Variants in MAP4K3 observed in about 807,000 individuals in gnomAD.
MAP4K3 encodes MAPK/ERK kinase kinase kinase 3.
In MAP4K3, 94 loss-of-function variants were observed where a neutral mutation model predicts 143.5. The ratio of observed to expected loss-of-function variants is 0.65; its 90% CI spans 0.55 to 0.78. MAP4K3 has a LOEUF of 0.78. Ranked by LOEUF, MAP4K3 falls within the 30% of genes least tolerant of loss-of-function variation. The pLI is 0.00. For synonymous variants in MAP4K3, 416 were observed against 347.2 expected (o/e 1.20, Z -2.20); for missense variants, 1,077 against 1,068.1 (o/e 1.01, Z -0.12).
intron 2 of MAP4K3, among the ~76,000 whole-genome samples, chr2:39,373,632 GCAA>G (rs1461861042): frequency 6.6e-6 from 1 of 152,196 alleles, no homozygotes; most frequent in Middle Eastern, 3.2e-3. Context: ...CCTGCCATTT[GCAA>G]CAACATGGGT....
intron 3 of MAP4K3, among the ~76,000 whole-genome samples, chr2:39,347,899 T>A (rs1452182436): frequency 1.3e-5 from 2 of 151,994 alleles, no homozygotes; most frequent in East Asian, 1.9e-4. Flanking sequence ...GATATCAACT[T>A]TAATAGTCTG....
chr2:39,321,988 T>C (rs1378652483), intron 12 of MAP4K3, among the ~76,000 whole-genome samples: 4 of 152,216 alleles, frequency 2.6e-5, no homozygotes, highest in Non-Finnish European at 5.9e-5. Context: ...GCTGGCGGGA[T>C]CCTCCATATG....
At chr2:39,288,058 G>GA in intron 20 of MAP4K3, 63 bp downstream of exon 20, 1 of 1,570,218 alleles carries the variant, frequency 6.4e-7, no homozygotes. Flanking sequence ...TTAAAAGAAA[G>GA]TTTTTTTTCT....
chr2:39,263,465 G>C (rs1271290186), intron 28 of MAP4K3, among the ~76,000 whole-genome samples: 1 of 142,902 alleles, frequency 7.0e-6, no homozygotes, highest in African/African-American at 2.6e-5. Flanking sequence ...ATTTTTAGTA[G>C]AGACGGGGTT....
intron 1 of MAP4K3, among the ~76,000 whole-genome samples, chr2:39,428,936 C>T (rs1665190150): frequency 6.6e-6 from 1 of 151,616 alleles, no homozygotes; most frequent in Non-Finnish European, 1.5e-5. Context: ...AGCATGGTGG[C>T]ACATGCCTAT....
chr2:39,436,645 CAAG>C (rs1325828294), intron 1 of MAP4K3: 2 of 534,878 alleles, frequency 3.7e-6, no homozygotes, highest in Admixed American at 3.3e-5. Context: ...GAAATGCGCG[CAAG>C]AAGGGAGGTG....
At chr2:39,346,044 ATT>A (rs1221349136) in intron 3 of MAP4K3, among the ~76,000 whole-genome samples, 1 of 152,090 alleles carries the variant, frequency 6.6e-6, no homozygotes, top group Non-Finnish European at 1.5e-5. Context: ...TGATATAAAA[ATT>A]TGTTTTAATT....
intron 1 of MAP4K3, among the ~76,000 whole-genome samples, chr2:39,405,900 C>T (rs1225659665): frequency 6.6e-6 from 1 of 151,614 alleles, no homozygotes; most frequent in Non-Finnish European, 1.5e-5. Context: ...AAAAAGACAC[C>T]AGGGGCCAAT....
intron 14 of MAP4K3, among the ~76,000 whole-genome samples, chr2:39,308,223 G>A (rs972652480): frequency 6.6e-6 from 1 of 152,096 alleles, no homozygotes; most frequent in Non-Finnish European, 1.5e-5. Flanking sequence ...TTTAAATACA[G>A]GCAATGCCAA....
chr2:39,349,199 GT>G (rs1333965598), intron 3 of MAP4K3, among the ~76,000 whole-genome samples: 4 of 152,112 alleles, frequency 2.6e-5, no homozygotes, highest in African/African-American at 9.7e-5. Flanking sequence ...GAAAAACAAA[GT>G]TTAGTAACTG....
At position 39,299,755 on chromosome 2, in the gene MAP4K3, A is replaced by G. The variant is rs770599264; in HGVS notation, c.1166T>C (p.Leu389Ser). The part of the protein sequence containing the change: ...YGQGHQGGYF[L>S]GANKSLLKSV... The stretch of plus-strand genomic sequence containing the variant: ...GAACTTTACTTACTTGTTTGCACCT[A>G]AAAAGTAACCACCTTGGTGTCCTTG... The change falls in exon 16 of 34, where the codon TTA becomes TCA. Residue 389 changes from leucine (L) to serine (S), a missense_variant. Physicochemically the swap from Leu to Ser is moderately radical, Grantham distance 145. Around this residue, in one of 2 missense-constraint regions of MAP4K3, gnomAD observed 864 missense variants for 801.2 expected, o/e 1.08. Transcript: ENST00000263881. 6.4e-7 allele frequency: 1 copy of G among 1,571,484 alleles called. No individual in the cohort carries two copies. The highest frequency in any genetic ancestry group is 8.6e-7 in the Non-Finnish European group (1 of 1,160,406).
intron 1 of MAP4K3, among the ~76,000 whole-genome samples, chr2:39,403,346 G>A (rs1667002759): frequency 6.6e-6 from 1 of 152,104 alleles, no homozygotes; most frequent in Non-Finnish European, 1.5e-5. Flanking sequence ...CACTGAAGAT[G>A]TCTGAAAGAG....
At chr2:39,281,838 T>C (rs1681544421) in intron 22 of MAP4K3, among the ~76,000 whole-genome samples, 1 of 150,926 alleles carries the variant, frequency 6.6e-6, no homozygotes, top group African/African-American at 2.4e-5. Flanking sequence ...ATATAAAGTA[T>C]ATATATTTTG....
At chr2:39,416,557 T>C (rs1241681850) in intron 1 of MAP4K3, among the ~76,000 whole-genome samples, 1 of 152,248 alleles carries the variant, frequency 6.6e-6, no homozygotes, top group Non-Finnish European at 1.5e-5. Context: ...AAGCATGAAC[T>C]ATTTTCCTCA....
intron 24 of MAP4K3, among the ~76,000 whole-genome samples, chr2:39,273,705 T>TACATAAAATAACC (rs1681130560): frequency 6.6e-6 from 1 of 152,242 alleles, no homozygotes; most frequent in Non-Finnish European, 1.5e-5. Flanking sequence ...AAAATGTACT[T>TACATAAAATAACC]ACATAAAATA....
At chr2:39,335,067 G>A (rs761539204) in intron 6 of MAP4K3, among the ~76,000 whole-genome samples, 9 of 151,988 alleles carry the variant, frequency 5.9e-5, no homozygotes, top group African/African-American at 1.2e-4. Flanking sequence ...TTCTAAGATC[G>A]GCAAGTTTAG....
intron 4 of MAP4K3, among the ~76,000 whole-genome samples, chr2:39,340,443 A>G (rs1202191128): frequency 6.6e-6 from 1 of 152,218 alleles, no homozygotes; most frequent in East Asian, 1.9e-4. Context: ...GTACCTGAAA[A>G]CTGCCATTTT....
At chr2:39,427,246 CAAAAT>C (rs1414103868) in intron 1 of MAP4K3, among the ~76,000 whole-genome samples, 1 of 151,636 alleles carries the variant, frequency 6.6e-6, no homozygotes, top group African/African-American at 2.4e-5. Context: ...AAAGTAAAGA[CAAAAT>C]AAAGACAATG....
chr2:39,337,725 A>C, intron 4 of MAP4K3, 144 bp from the exon 5 acceptor site: 1 of 400,334 alleles, frequency 2.5e-6, no homozygotes, highest in Non-Finnish European at 4.6e-6. Context: ...GGCATGAATT[A>C]CTACTGTCCT....
Sources: gnomAD v4.1 joint callset for allele counts (sites outside exome capture counted in the v4.1 genomes callset) on GRCh38, gnomAD v4.1.1 for gene constraint, gnomAD v4.1.1 regional missense constraint, MANE v1.5 for transcripts, NCBI Gene and HGNC (gene_info 2026-07-23, HGNC 2026-07-21) for gene names.